WDPCP: variants seen among roughly 807,000 people sequenced by gnomAD.
The protein encoded by WDPCP is WD repeat containing planar cell polarity effector.
Under a neutral mutation model 93.1 loss-of-function variants are expected in WDPCP, and 71 were observed. That is an observed-to-expected ratio of 0.76 (90% CI 0.63 to 0.93). WDPCP has a LOEUF of 0.93. Among genes scored for constraint, WDPCP ranks in the 40% least tolerant of loss-of-function variants. WDPCP has a pLI of 0.00. For missense variants in WDPCP, 844 were observed against 887.4 expected, an observed-to-expected ratio of 0.95 and a Z score of 0.62; for synonymous variants, 315 against 315.0, an observed-to-expected ratio of 1.00 and a Z score of 0.00.
chr2:63,232,926 AGTG>A, intron 14 of WDPCP: 30 of 191,388 alleles, frequency 1.6e-4, no homozygotes, highest in South Asian at 4.3e-4. Context: ...CTGAGGAGGA[AGTG>A]GTGGTGGTGG....
At chr2:63,523,334 A>T (rs1703081672) in intron 1 of WDPCP, among the ~76,000 whole-genome samples, 1 of 152,204 alleles carries the variant, frequency 6.6e-6, no homozygotes, top group Non-Finnish European at 1.5e-5. Flanking sequence ...TTTATGACAA[A>T]CCCACAGCCA....
chr2:63,642,950 G>C (rs1709998299), intron 3 of WDPCP: 1 of 152,202 alleles, frequency 6.6e-6, no homozygotes, highest in East Asian at 1.9e-4. Context: ...GATACTAGCT[G>C]TGGGTCTGTT....
At chr2:63,619,029 T>C (rs1709703814) in intron 3 of WDPCP, among the ~76,000 whole-genome samples, 1 of 152,148 alleles carries the variant, frequency 6.6e-6, no homozygotes, top group Admixed American at 6.5e-5. Flanking sequence ...GTAAATTGTA[T>C]GGTGTGAAGA....
chr2:63,148,181 G>A (rs1671653953), intron 17 of WDPCP, among the ~76,000 whole-genome samples: 1 of 152,066 alleles, frequency 6.6e-6, no homozygotes, highest in Non-Finnish European at 1.5e-5. Context: ...TCTTTCTGTT[G>A]CTGATTCCTG....
At chr2:63,677,682 T>C (rs190323838) in intron 2 of WDPCP, among the ~76,000 whole-genome samples, 46 of 152,286 alleles carry the variant, frequency 3.0e-4, no homozygotes, top group Admixed American at 2.0e-3. Flanking sequence ...AGAAAATTAC[T>C]ACCGACCTAG....
chr2:63,548,891 C>T (rs1705351994), intron 1 of WDPCP, among the ~76,000 whole-genome samples: 1 of 151,988 alleles, frequency 6.6e-6, no homozygotes. Flanking sequence ...TTCTAAACAA[C>T]CATGGGTGAA....
At chr2:63,619,984 T>C (rs978555418) in intron 3 of WDPCP, among the ~76,000 whole-genome samples, 1 of 152,150 alleles carries the variant, frequency 6.6e-6, no homozygotes, top group Non-Finnish European at 1.5e-5. Context: ...AATGGTGCAT[T>C]CCGGCCCAGA....
At chr2:63,564,712 C>A (rs1385173904) in intron 1 of WDPCP, 1 of 151,206 alleles carries the variant, frequency 6.6e-6, no homozygotes, top group East Asian at 1.9e-4. Flanking sequence ...ATTAAAGTTT[C>A]AAATGATGTT....
intron 6 of WDPCP, among the ~76,000 whole-genome samples, chr2:63,452,341 A>T (rs1342450981): frequency 6.6e-6 from 1 of 152,224 alleles, no homozygotes; most frequent in Admixed American, 6.5e-5. Context: ...TCCCATTCAC[A>T]ATTGCTTCAA....
chr2:63,608,734 A>G (rs1558865548), intron 3 of WDPCP, among the ~76,000 whole-genome samples: 2 of 152,050 alleles, frequency 1.3e-5, no homozygotes, highest in Non-Finnish European at 2.9e-5. Flanking sequence ...CACCTAGGCA[A>G]AGGAATTCAA....
intron 2 of WDPCP, among the ~76,000 whole-genome samples, chr2:63,670,382 A>G (rs535767066): frequency 6.6e-6 from 1 of 152,098 alleles, no homozygotes; most frequent in East Asian, 1.9e-4. Context: ...GAGAATCTAT[A>G]TGAATCTTGA....
chr2:63,653,274 G>T (rs919511906), intron 2 of WDPCP, among the ~76,000 whole-genome samples: 4 of 152,174 alleles, frequency 2.6e-5, no homozygotes, highest in African/African-American at 9.7e-5. Context: ...ACAAAGAGCT[G>T]GGAAAGAGTA....
chr2:63,537,586 G>C (rs1356742131), intron 1 of WDPCP, among the ~76,000 whole-genome samples: 1 of 152,072 alleles, frequency 6.6e-6, no homozygotes, highest in Non-Finnish European at 1.5e-5. Context: ...TAGACTCTTT[G>C]CCTTTTTACA....
chr2:63,215,845 A>T (rs1399132108), intron 14 of WDPCP, among the ~76,000 whole-genome samples: 2 of 152,362 alleles, frequency 1.3e-5, no homozygotes, highest in East Asian at 3.9e-4. Flanking sequence ...ATCTACAAAG[A>T]ACTCAAATAA....
chr2:63,591,595 A>C (rs1281050599), upstream of WDPCP, among the ~76,000 whole-genome samples: 1 of 152,234 alleles, frequency 6.6e-6, no homozygotes, highest in Non-Finnish European at 1.5e-5. Context: ...CACTCTCTTC[A>C]GCCCCCCTTT....
At chr2:63,368,154 A>G (rs1691066013) in intron 12 of WDPCP, among the ~76,000 whole-genome samples, 1 of 152,132 alleles carries the variant, frequency 6.6e-6, no homozygotes, top group Non-Finnish European at 1.5e-5. Context: ...GGAAAAGGAA[A>G]GAGGGAGAAT....
chr2:63,244,240 ATAGT>A (rs1680092395), intron 14 of WDPCP, among the ~76,000 whole-genome samples: 1 of 152,190 alleles, frequency 6.6e-6, no homozygotes, highest in African/African-American at 2.4e-5. Flanking sequence ...AGGAAAGTTT[ATAGT>A]TAAACACCTA....
At chr2:63,771,664 A>G (rs1670228299) in intron 2 of WDPCP, among the ~76,000 whole-genome samples, 1 of 151,916 alleles carries the variant, frequency 6.6e-6, no homozygotes, top group South Asian at 2.1e-4. Context: ...TAGCAAGCAT[A>G]ATTCCTGATA....
At chr2:63,294,181 T>C (rs1684662549) in intron 13 of WDPCP, among the ~76,000 whole-genome samples, 1 of 152,094 alleles carries the variant, frequency 6.6e-6, no homozygotes, top group Admixed American at 6.6e-5. Flanking sequence ...TCAAAGGCTT[T>C]GGAGGTAAGA....
Sources: allele counts gnomAD v4.1 joint callset (sites outside exome capture counted in the v4.1 genomes callset), GRCh38; gene constraint gnomAD v4.1.1; transcripts MANE v1.5; gene names NCBI Gene and HGNC (gene_info 2026-07-23, HGNC 2026-07-21).